Variants in PHACTR3 observed in about 807,000 individuals in gnomAD.
PHACTR3 encodes the protein protein phosphatase 1, regulatory subunit 123.
PHACTR3 carries 16 observed loss-of-function variants against 66.8 expected under a neutral mutation model. The observed-to-expected ratio is 0.24, with a 90% CI of 0.16 to 0.36. The LOEUF (loss-of-function observed/expected upper bound fraction) is 0.36, where lower values mean the gene tolerates loss of function less well. Ranked by LOEUF, PHACTR3 falls within the 10% of genes least tolerant of loss-of-function variation. The pLI is 1.00. For missense variants in PHACTR3, 647 were observed against 719.9 expected, an observed-to-expected ratio of 0.90 and a Z score of 1.16; for synonymous variants, 323 against 292.1, an observed-to-expected ratio of 1.11 and a Z score of -1.08.
At chr20:59,730,471 G>T (rs1443391828) in intron 1 of PHACTR3, among the ~76,000 whole-genome samples, 3 of 152,158 alleles carry the variant, frequency 2.0e-5, no homozygotes, top group African/African-American at 7.2e-5. Context: ...GTGATGTCAT[G>T]TGGGGAGCAA....
chr20:59,722,806 G>A (rs980053948), intron 1 of PHACTR3, among the ~76,000 whole-genome samples: 2 of 152,126 alleles, frequency 1.3e-5, no homozygotes, highest in African/African-American at 4.8e-5. Context: ...TGCTTGTTTT[G>A]GGAGGAGCCT....
chr20:59,839,121 G>GT (rs1331378389), intron 9 of PHACTR3, among the ~76,000 whole-genome samples: 1 of 151,802 alleles, frequency 6.6e-6, no homozygotes, highest in East Asian at 1.9e-4. Context: ...CTATTTTAAA[G>GT]AAATCTGAAA....
At chr20:59,623,746 A>G (rs1600941835) in intron 1 of PHACTR3, among the ~76,000 whole-genome samples, 2 of 151,998 alleles carry the variant, frequency 1.3e-5, no homozygotes, top group South Asian at 4.1e-4. Context: ...ATGTGGTGGG[A>G]GGGGCACCGT....
intron 1 of PHACTR3, among the ~76,000 whole-genome samples, chr20:59,686,604 G>T (rs949811809): frequency 6.6e-6 from 1 of 151,830 alleles, no homozygotes; most frequent in Non-Finnish European, 1.5e-5. Context: ...TGATGATGAT[G>T]GTGGTGATGA....
intron 7 of PHACTR3, among the ~76,000 whole-genome samples, chr20:59,775,314 C>T (rs1028404417): frequency 7.2e-5 from 11 of 152,212 alleles, no homozygotes; most frequent in South Asian, 4.2e-4. Context: ...AGGAAGCGTC[C>T]GTTGCTGTTC....
intron 7 of PHACTR3, among the ~76,000 whole-genome samples, chr20:59,798,550 C>A (rs890971632): frequency 2.0e-5 from 3 of 152,032 alleles, no homozygotes; most frequent in African/African-American, 7.2e-5. Flanking sequence ...TAGGTCCATT[C>A]TGGTTACATA....
intron 7 of PHACTR3, among the ~76,000 whole-genome samples, chr20:59,780,724 C>T (rs542814302): frequency 1.3e-5 from 2 of 152,296 alleles, no homozygotes; most frequent in Admixed American, 6.5e-5. Context: ...GCTTACTCTG[C>T]GTAGAGAGAC....
chr20:59,716,441 C>T (rs1451972805), intron 1 of PHACTR3, among the ~76,000 whole-genome samples: 2 of 152,104 alleles, frequency 1.3e-5, no homozygotes, highest in East Asian at 1.9e-4. Context: ...TTACTAGAGA[C>T]GGGGTTTCAC....
At chr20:59,740,654 T>C (rs1008340999) in intron 1 of PHACTR3, among the ~76,000 whole-genome samples, 21 of 150,814 alleles carry the variant, frequency 1.4e-4, no homozygotes, top group Middle Eastern at 6.8e-3. Flanking sequence ...CAGGGATGAT[T>C]ATCATGGCAT....
chr20:59,680,816 C>A (rs568745706), intron 1 of PHACTR3, among the ~76,000 whole-genome samples: 1 of 152,324 alleles, frequency 6.6e-6, no homozygotes, highest in African/African-American at 2.4e-5. Context: ...CCCTGTACAG[C>A]CCGTGTTCCA....
intron 7 of PHACTR3, among the ~76,000 whole-genome samples, chr20:59,776,626 C>T (rs186960219): frequency 3.9e-4 from 60 of 152,038 alleles, no homozygotes; most frequent in Non-Finnish European, 5.7e-4. Context: ...AGTGTCCTCA[C>T]GCCTGGCGTT....
intron 7 of PHACTR3, among the ~76,000 whole-genome samples, chr20:59,776,346 G>A (rs1212031269): frequency 6.6e-6 from 1 of 152,320 alleles, no homozygotes; most frequent in East Asian, 1.9e-4. Flanking sequence ...GCAGCTCGTT[G>A]GTGCCAGGCT....
At chr20:59,685,088 C>T (rs1239816632) in intron 1 of PHACTR3, among the ~76,000 whole-genome samples, 1 of 152,166 alleles carries the variant, frequency 6.6e-6, no homozygotes, top group Non-Finnish European at 1.5e-5. Context: ...AACCTTGACT[C>T]ACCACCTCCA....
intron 8 of PHACTR3, among the ~76,000 whole-genome samples, chr20:59,826,385 C>A (rs1403221534): frequency 6.6e-6 from 1 of 152,210 alleles, no homozygotes; most frequent in African/African-American, 2.4e-5. Flanking sequence ...TCCCAGCTGA[C>A]TCAACCTGGG....
rs141342519 is a variant in PHACTR3, at chr20:59,660,316, A to T, written c.118+55184A>T. On this transcript the variant is annotated intron_variant, in intron 1 of 12. Coordinates refer to ENST00000371015, the MANE Select transcript of PHACTR3 (RefSeq NM_080672.5). Reference sequence around the variant, plus strand: ...GAGATCATCCTGGCTAACATGGTGAAACCCCGTCTCTACTAAAAATACAAA... The same window carrying T: ...GAGATCATCCTGGCTAACATGGTGATACCCCGTCTCTACTAAAAATACAAA... Among the ~76,000 whole-genome samples the T allele has an allele frequency of 8.8e-3, 1,336 of 152,296 alleles. 25 individuals are homozygous for T. Among genetic ancestry groups the T allele is most frequent in the African/African-American group, 0.03 (1,258 of 41,554 alleles).
chr20:59,772,996 C>T (rs182788995), intron 5 of PHACTR3, among the ~76,000 whole-genome samples: 2 of 152,244 alleles, frequency 1.3e-5, no homozygotes, highest in East Asian at 3.9e-4. Flanking sequence ...AGGAAGGAGG[C>T]TTTTCTAAGC....
In PHACTR3 at chr20:59,605,402, A is replaced by C. The variant is rs575253760; in HGVS notation, c.118+270A>C. On this transcript the variant is annotated intron_variant, in intron 1 of 12. Transcript: ENST00000371015. The stretch of plus-strand genomic sequence containing the variant: ...GTGAGCTCTGCCGTCCCCTCGAAGG[A>C]GGCTTCCTTTCCTCGGGTGCTGACC... Among the ~76,000 whole-genome samples the C allele has an allele frequency of 2.0e-5, 3 of 152,174 alleles. No individual in the cohort carries two copies. The South Asian group carries it at 6.2e-4, about 32-fold the overall frequency.
At chr20:59,800,781 T>C (rs1484276216) in intron 7 of PHACTR3, among the ~76,000 whole-genome samples, 1 of 152,252 alleles carries the variant, frequency 6.6e-6, no homozygotes, top group Non-Finnish European at 1.5e-5. Flanking sequence ...TCTTGAGTTT[T>C]GTTCTGGGAA....
intron 7 of PHACTR3, among the ~76,000 whole-genome samples, chr20:59,785,886 GTTTTC>G (rs1568820813): frequency 1.4e-3 from 16 of 11,718 alleles, no homozygotes; most frequent in Middle Eastern, 0.071. Context: ...ACTTCATTTT[GTTTTC>G]CAACGGCCCT....
Sources: allele counts gnomAD v4.1 joint callset (sites outside exome capture counted in the v4.1 genomes callset), GRCh38; gene constraint gnomAD v4.1.1; transcripts MANE v1.5; gene names NCBI Gene and HGNC (gene_info 2026-07-23, HGNC 2026-07-21).